The following CECR2 variants were observed in gnomAD, a reference collection of about 807,000 sequenced individuals.
The protein encoded by CECR2 is chromatin remodeling regulator CECR2.
CECR2 carries 30 observed loss-of-function variants against 154.5 expected under a neutral mutation model. That is an observed-to-expected ratio of 0.19 (90% confidence interval 0.15 to 0.26). The LOEUF (loss-of-function observed/expected upper bound fraction) is 0.26, where lower values mean the gene tolerates loss of function less well. Among genes scored for constraint, CECR2 ranks in the 10% least tolerant of loss-of-function variants. The pLI, the probability that CECR2 is intolerant of heterozygous loss-of-function variation, is 1.00. For missense variants in CECR2, 1,743 were observed against 1,829.3 expected, an observed-to-expected ratio of 0.95 and a Z score of 0.86; for synonymous variants, 725 against 683.7, an observed-to-expected ratio of 1.06 and a Z score of -0.94.
chr22:17,422,345 G>A (rs1221637915), intron 1 of CECR2, among the ~76,000 whole-genome samples: 31 of 151,976 alleles, frequency 2.0e-4, no homozygotes, highest in Admixed American at 1.6e-3. Flanking sequence ...TTACAGGCGC[G>A]CGCCACCAGG....
rs1192283154 is a variant in CECR2, at chr22:17,370,319, CG to C, written c.126+420del. On this transcript the variant is annotated intron_variant, in intron 1 of 18. Coordinates refer to ENST00000262608, the MANE Select transcript of CECR2 (RefSeq NM_001290047.2). The stretch of plus-strand genomic sequence containing the variant: ...CCAGCTGCTCCGGCGGGGCCGGGCG[CG>C]GGGGGGGGGCCCGCGCGGGATTAAC... Among the ~76,000 whole-genome samples the C allele has an allele frequency of 0.024, 1,582 of 64,648 alleles. 109 individuals carry two copies. The East Asian group carries it at 0.31, about 13-fold the overall frequency. 42.4% of individuals were successfully genotyped at this position (64,648 alleles called of 152,430 possible). A position where few individuals can be genotyped will look rare whatever the true frequency, so the allele number is the denominator to read the frequency against.
chr22:17,501,419 G>A (rs187933645), intron 5 of CECR2, among the ~76,000 whole-genome samples: 3 of 152,152 alleles, frequency 2.0e-5, no homozygotes, highest in East Asian at 3.9e-4. Context: ...TTAGCCAGTC[G>A]TGGTGGCGGG....
chr22:17,545,767 C>T (rs1392270428), intron 16 of CECR2, among the ~76,000 whole-genome samples: 3 of 149,494 alleles, frequency 2.0e-5, no homozygotes, highest in African/African-American at 7.4e-5. Flanking sequence ...CGCTTGAACC[C>T]GGGAGGCTGA....
Position 17,549,036 on chromosome 22 carries a change from A to G in CECR2, c.3749A>G (p.Glu1250Gly). ...KNAMASLQGC[E>G]TLNAALTSPT... is the part of the protein sequence containing the mutation. ...GCCATGGCCAGTCTGCAAGGCTGTG[A>G]GACACTGAATGCTGCCTTAACTTCT... is the stretch of plus-strand genomic sequence containing the variant. Residue 1250 changes from glutamate (E) to glycine (G), a missense_variant, in exon 17 of 19, where the codon GAG becomes GGG. Transcript: ENST00000262608. 6.2e-7 allele frequency: 1 copy of G among 1,613,982 alleles called. No individual in the cohort carries two copies. Among genetic ancestry groups the G allele is most frequent in the Non-Finnish European group, 8.5e-7 (1 of 1,179,888 alleles).
chr22:17,517,788 C>T (rs567422980), intron 8 of CECR2, among the ~76,000 whole-genome samples: 50 of 152,284 alleles, frequency 3.3e-4, no homozygotes, highest in African/African-American at 1.2e-3. Flanking sequence ...TATTAAATTT[C>T]GTCTTGCACA....
intron 4 of CECR2, among the ~76,000 whole-genome samples, chr22:17,500,208 C>CTCAAAAAAAAA (rs2055710682): frequency 1.7e-5 from 2 of 116,006 alleles, no homozygotes; most frequent in African/African-American, 6.3e-5. Context: ...GAGACTCCAT[C>CTCAAAAAAAAA]AAAAAAAAAA....
intron 2 of CECR2, among the ~76,000 whole-genome samples, chr22:17,491,578 T>TGGGG (rs778492960): frequency 1.9e-4 from 15 of 76,990 alleles, no homozygotes; most frequent in South Asian, 7.6e-4. Flanking sequence ...TGTGTGTGTG[T>TGGGG]GTGTGGGGGG....
chr22:17,389,040 C>G (rs960498192), intron 1 of CECR2, among the ~76,000 whole-genome samples: 1 of 152,034 alleles, frequency 6.6e-6, no homozygotes, highest in African/African-American at 2.4e-5. Flanking sequence ...CTCGAACTCC[C>G]TGAATTCAAG....
At chr22:17,367,259 C>G (rs2063007108), upstream of CECR2, among the ~76,000 whole-genome samples, 1 of 152,162 alleles carries the variant, frequency 6.6e-6, no homozygotes, top group Non-Finnish European at 1.5e-5. Flanking sequence ...CCTCTGCTTG[C>G]TGGTGTCATT....
At chr22:17,382,180 G>C (rs2401113) in intron 1 of CECR2, among the ~76,000 whole-genome samples, 1 of 151,560 alleles carries the variant, frequency 6.6e-6, no homozygotes. Flanking sequence ...GTGAGCCACT[G>C]TGCCCGGCCA....
chr22:17,548,175 AACC>A lies in CECR2; in HGVS notation c.2893_2895del (p.Pro965del). 1.3e-6 allele frequency: 2 copies of A among 1,564,252 alleles called. No individual in the cohort carries two copies. The highest frequency in any genetic ancestry group is 2.4e-5 in the East Asian group (1 of 42,286). On this transcript the variant is annotated inframe_deletion, in exon 17 of 19. Coordinates refer to ENST00000262608, the MANE Select transcript of CECR2 (RefSeq NM_001290047.2). ...GAGCCGTTGCCTGGCCTTGAAGAGA[AACC>A]ACCAGGTGTTGGTACTTCAGAGGGG...
intron 1 of CECR2, among the ~76,000 whole-genome samples, chr22:17,445,716 C>T (rs1278473351): frequency 6.6e-6 from 1 of 151,844 alleles, no homozygotes; most frequent in African/African-American, 2.4e-5. Flanking sequence ...TCTCAGCCTC[C>T]TGAGTAGCTA....
At chr22:17,364,333 ACT>A (rs1390977455) in intron 1 of CECR2, among the ~76,000 whole-genome samples, 2 of 96,306 alleles carry the variant, frequency 2.1e-5, no homozygotes, top group Admixed American at 1.1e-4. Flanking sequence ...ACAGAGCAAG[ACT>A]CTGTCTCAAA....
At position 17,484,134 on chromosome 22, in the gene CECR2, A is replaced by C. The variant is rs555465328; in HGVS notation, c.221+6452A>C. Among the ~76,000 whole-genome samples, 9 of 152,312 alleles carry C rather than the reference A, an allele frequency of 5.9e-5. No homozygotes were observed. The Middle Eastern group carries it at 0.01, about 173-fold the overall frequency. ...CACTATGATGTTTCCACAGCAACAGAATCACCTAACCATGCCTTTCTTAGA... is the reference window on the plus strand; with the variant it reads ...CACTATGATGTTTCCACAGCAACAGCATCACCTAACCATGCCTTTCTTAGA... On this transcript the variant is annotated intron_variant, in intron 2 of 18. Transcript: ENST00000262608.
chr22:17,386,396 C>T (rs2063261447), intron 1 of CECR2, among the ~76,000 whole-genome samples: 1 of 152,060 alleles, frequency 6.6e-6, no homozygotes, highest in South Asian at 2.1e-4. Context: ...GAATATATAG[C>T]GATTGTAACA....
intron 1 of CECR2, among the ~76,000 whole-genome samples, chr22:17,413,883 T>G (rs1399123959): frequency 1.3e-5 from 2 of 149,548 alleles, no homozygotes; most frequent in African/African-American, 4.9e-5. Flanking sequence ...TTCACCATGG[T>G]AGCCAGGATG....
intron 1 of CECR2, among the ~76,000 whole-genome samples, chr22:17,395,431 A>G (rs1195719619): frequency 1.3e-5 from 2 of 151,614 alleles, no homozygotes; most frequent in Non-Finnish European, 2.9e-5. Flanking sequence ...TGCAACCTCC[A>G]CCTCTTGAGT....
intron 2 of CECR2, among the ~76,000 whole-genome samples, chr22:17,483,766 A>G (rs2055371009): frequency 6.6e-6 from 1 of 152,232 alleles, no homozygotes; most frequent in Non-Finnish European, 1.5e-5. Flanking sequence ...CTAAGTTTAC[A>G]GCATTTAGAA....
At chr22:17,522,866 G>C (rs5747217) in intron 8 of CECR2, among the ~76,000 whole-genome samples, 1 of 151,904 alleles carries the variant, frequency 6.6e-6, no homozygotes, top group African/African-American at 2.4e-5. Context: ...TTAGCTAGGC[G>C]TGGTGGTACA....
Sources: allele counts gnomAD v4.1 joint callset (sites outside exome capture counted in the v4.1 genomes callset), GRCh38; gene constraint gnomAD v4.1.1; transcripts MANE v1.5; gene names NCBI Gene and HGNC (gene_info 2026-07-23, HGNC 2026-07-21).